Variants in MSH3 observed in about 807,000 individuals in gnomAD.
MSH3 encodes the protein mutS homolog 3, also known as DNA mismatch repair protein Msh3.
In MSH3, 106 loss-of-function variants were observed where a neutral mutation model predicts 123.3. The observed-to-expected ratio is 0.86, with a 90% confidence interval of 0.73 to 1.01. The LOEUF (loss-of-function observed/expected upper bound fraction) is 1.01. Ranked by LOEUF, MSH3 falls within the 50% of genes least tolerant of loss-of-function variation. The probability of loss-of-function intolerance (pLI) is 0.00; values close to 1 mark genes in which losing one functional copy is unlikely to be tolerated. For synonymous variants in MSH3, 515 were observed against 481.4 expected (o/e 1.07, Z -0.91); for missense variants, 1,459 against 1,347.6 (o/e 1.08, Z -1.29).
chr5:80,765,706 T>C lies in MSH3; in HGVS notation c.1897-2227T>C, dbSNP rs147245766. On this transcript the variant is annotated intron_variant, in intron 13 of 23. Coordinates refer to ENST00000265081, the MANE Select transcript of MSH3 (RefSeq NM_002439.5). ...AGTCTGGACTGGTTGTCCCCATATC[T>C]GTTGTATAGTACTATCTTAGATTCC... Among the ~76,000 whole-genome samples, 1,191 of 152,336 alleles carry C rather than the reference T, an allele frequency of 7.8e-3. 6 individuals carry two copies. Among genetic ancestry groups the C allele is most frequent in the Middle Eastern group, 0.044 (13 of 294 alleles).
chr5:80,735,839 C>A lies in MSH3; in HGVS notation c.1569-5625C>A, dbSNP rs370115485. ...AAAAGAACCAAATTCAAATTTCTTA[C>A]AAAATTATTATGAGAAAAAAGAGAA... On this transcript the variant is annotated intron_variant, in intron 10 of 23. Coordinates refer to ENST00000265081, the MANE Select transcript of MSH3 (RefSeq NM_002439.5). 2.6e-5 allele frequency among the ~76,000 whole-genome samples: 4 copies of A among 152,072 alleles called. No homozygotes were observed. In the East Asian group the frequency reaches 7.7e-4, roughly 29 times the overall value.
chr5:80,728,925 C>G lies in MSH3; in HGVS notation c.1528C>G (p.Leu510Val), dbSNP rs751775883. 6.2e-7 allele frequency: 1 copy of G among 1,611,498 alleles called. No individual in the cohort carries two copies. Among genetic ancestry groups the G allele is most frequent in the Non-Finnish European group, 8.5e-7 (1 of 1,177,986 alleles). ...ICSLAAIIKY[L>V]KEFNLEKMLS... ...CTCTTTGGCTGCCATCATAAAATAC[C>G]TCAAAGAATTCAACTTGGAAAAGAT... Residue 510 changes from leucine (L) to valine (V), a missense_variant, in exon 10 of 24, where the codon CTC becomes GTC. Physicochemically the swap from Leu to Val is conservative, Grantham distance 32. Transcript: ENST00000265081.
intron 8 of MSH3, among the ~76,000 whole-genome samples, chr5:80,682,895 C>G (rs1484065193): frequency 1.3e-5 from 2 of 152,148 alleles, no homozygotes; most frequent in African/African-American, 2.4e-5. Flanking sequence ...TTTCTACTCT[C>G]TATCTCCATG....
chr5:80,803,860 C>T (rs1211129207), intron 19 of MSH3, among the ~76,000 whole-genome samples: 1 of 152,066 alleles, frequency 6.6e-6, no homozygotes, highest in Non-Finnish European at 1.5e-5. Flanking sequence ...AAAATGAGTG[C>T]ACTGTAGGTG....
chr5:80,731,696 G>T lies in MSH3; in HGVS notation c.1568+2731G>T, dbSNP rs1250435744. ...AAACGAAATGTGGTGTTCATGAGTG[G>T]CATGTAATTTGAAGATCATTCTAAA... On this transcript the variant is annotated intron_variant, in intron 10 of 23. Coordinates refer to ENST00000265081, the MANE Select transcript of MSH3 (RefSeq NM_002439.5). Among the ~76,000 whole-genome samples the T allele has an allele frequency of 2.0e-5, 3 of 152,098 alleles. No homozygotes were observed. In the East Asian group the frequency reaches 5.8e-4, roughly 29 times the overall value.
chr5:80,833,975 T>C (rs942538995), intron 20 of MSH3, among the ~76,000 whole-genome samples: 2 of 152,212 alleles, frequency 1.3e-5, no homozygotes, highest in Non-Finnish European at 1.5e-5. Flanking sequence ...CTAGAATAAA[T>C]AAACTATACA....
intron 13 of MSH3, 85 bp downstream of exon 13, chr5:80,761,763 T>C (rs2112880186): frequency 5.0e-6 from 7 of 1,387,986 alleles, no homozygotes; most frequent in Non-Finnish European, 7.1e-6. Context: ...TTGAGAGCTC[T>C]ATTATTATTT....
intron 11 of MSH3, among the ~76,000 whole-genome samples, chr5:80,744,231 T>G (rs1442902360): frequency 6.6e-6 from 1 of 152,202 alleles, no homozygotes; most frequent in Non-Finnish European, 1.5e-5. Context: ...CAATTATATT[T>G]TAAAGATGCT....
chr5:80,675,454 A>G (rs1390960397), intron 7 of MSH3, among the ~76,000 whole-genome samples: 4 of 152,122 alleles, frequency 2.6e-5, no homozygotes, highest in Non-Finnish European at 5.9e-5. Context: ...GAAACTTACA[A>G]TCATGGCGAA....
At chr5:80,769,191 CTT>C (rs1744174994) in intron 15 of MSH3, among the ~76,000 whole-genome samples, 188 bp downstream of exon 15, 1 of 152,126 alleles carries the variant, frequency 6.6e-6, no homozygotes, top group South Asian at 2.1e-4. Context: ...TTATTAGTCT[CTT>C]GTTAAAGTAA....
intron 2 of MSH3, among the ~76,000 whole-genome samples, chr5:80,662,035 C>G (rs1251054196): frequency 6.6e-6 from 1 of 152,120 alleles, no homozygotes; most frequent in Non-Finnish European, 1.5e-5. Context: ...GTAAACACAG[C>G]CATATGCTAC....
intron 20 of MSH3, among the ~76,000 whole-genome samples, chr5:80,830,730 C>T (rs1745402122): frequency 6.6e-6 from 1 of 152,122 alleles, no homozygotes; most frequent in South Asian, 2.1e-4. Context: ...AGGAAAATAC[C>T]TGTGTCCTTC....
intron 12 of MSH3, among the ~76,000 whole-genome samples, chr5:80,752,618 A>G (rs1257244850): frequency 6.6e-6 from 1 of 152,148 alleles, no homozygotes; most frequent in Non-Finnish European, 1.5e-5. Flanking sequence ...GGAATTAACT[A>G]CCTACCTCAT....
chr5:80,725,087 AC>A (rs966762959), intron 8 of MSH3, among the ~76,000 whole-genome samples: 28 of 151,800 alleles, frequency 1.8e-4, no homozygotes, highest in Non-Finnish European at 3.4e-4. Flanking sequence ...GATGGCGGGC[AC>A]CTGTAGCTTC....
intron 2 of MSH3, among the ~76,000 whole-genome samples, chr5:80,663,071 C>CA (rs1399730597): frequency 6.6e-6 from 1 of 151,948 alleles, no homozygotes; most frequent in Non-Finnish European, 1.5e-5. Context: ...CCTGTCTATA[C>CA]AAAAAATTAA....
intron 20 of MSH3, among the ~76,000 whole-genome samples, chr5:80,828,369 A>T (rs1408546433): frequency 6.6e-6 from 1 of 152,170 alleles, no homozygotes; most frequent in South Asian, 2.1e-4. Flanking sequence ...ATAAGGGCAG[A>T]GCCCTGATGA....
At chr5:80,782,300 A>G (rs1357139856) in intron 17 of MSH3, among the ~76,000 whole-genome samples, 3 of 152,216 alleles carry the variant, frequency 2.0e-5, no homozygotes, top group Non-Finnish European at 4.4e-5. Flanking sequence ...CTGCAGATTG[A>G]AAATATTCAA....
At chr5:80,675,265 A>G in intron 7 of MSH3, 137 bp downstream of exon 7, 2 of 1,027,386 alleles carry the variant, frequency 1.9e-6, no homozygotes, top group Non-Finnish European at 2.9e-6. Flanking sequence ...CATTTTTCTC[A>G]CAATATTATA....
At chr5:80,762,247 A>G (rs2112880490) in intron 13 of MSH3, among the ~76,000 whole-genome samples, 1 of 152,200 alleles carries the variant, frequency 6.6e-6, no homozygotes, top group South Asian at 2.1e-4. Flanking sequence ...TATGCCTAAA[A>G]TTAAAAAAAT....
Sources: allele counts gnomAD v4.1 joint callset (sites outside exome capture counted in the v4.1 genomes callset), GRCh38; gene constraint gnomAD v4.1.1; transcripts MANE v1.5; gene names NCBI Gene and HGNC (gene_info 2026-07-23, HGNC 2026-07-21).